Variants in VAT1L observed in about 807,000 individuals in gnomAD.
VAT1L encodes the protein vesicle amine transport 1 like.
A neutral mutation model predicts 44.1 loss-of-function variants in VAT1L; 34 were observed. The ratio of observed to expected loss-of-function variants is 0.77; its 90% CI spans 0.59 to 1.03. VAT1L has a LOEUF of 1.03. Among genes scored for constraint, VAT1L ranks in the 50% least tolerant of loss-of-function variants. The pLI is 0.00. For missense variants in VAT1L, 615 were observed against 538.8 expected (o/e 1.14, Z -1.40); for synonymous variants, 253 against 202.2 (o/e 1.25, Z -2.13).
intron 8 of VAT1L, among the ~76,000 whole-genome samples, chr16:77,972,626 C>T (rs1038581539): frequency 2.0e-5 from 3 of 151,850 alleles, no homozygotes; most frequent in Non-Finnish European, 4.4e-5. Context: ...ACTAAAAATA[C>T]AAAAATTAGC....
At chr16:77,825,737 C>T (rs2145246727) in intron 3 of VAT1L, among the ~76,000 whole-genome samples, 1 of 151,994 alleles carries the variant, frequency 6.6e-6, no homozygotes, top group South Asian at 2.1e-4. Context: ...CATTCTCAGG[C>T]CGGGCGCCGT....
intron 7 of VAT1L, among the ~76,000 whole-genome samples, chr16:77,928,584 T>TTG (rs983976011): frequency 4.6e-5 from 7 of 152,132 alleles, no homozygotes; most frequent in Admixed American, 3.3e-4. Flanking sequence ...AATAAGGCAT[T>TTG]TGTAGCCCTC....
intron 7 of VAT1L, among the ~76,000 whole-genome samples, chr16:77,924,456 C>T (rs976226023): frequency 6.6e-6 from 1 of 151,952 alleles, no homozygotes; most frequent in Non-Finnish European, 1.5e-5. Flanking sequence ...TATTTTCCTT[C>T]CTCCCCACTG....
At chr16:77,824,727 G>T (rs1364711140) in intron 2 of VAT1L, among the ~76,000 whole-genome samples, 1 of 145,248 alleles carries the variant, frequency 6.9e-6, no homozygotes, top group Non-Finnish European at 1.5e-5. Context: ...CTGCCCTCCA[G>T]CCTGGGTGAC....
intron 7 of VAT1L, among the ~76,000 whole-genome samples, chr16:77,956,802 C>T (rs1344188371): frequency 6.6e-6 from 1 of 152,180 alleles, no homozygotes; most frequent in Non-Finnish European, 1.5e-5. Flanking sequence ...TTTATTTCCA[C>T]TCTATACTTT....
intron 7 of VAT1L, among the ~76,000 whole-genome samples, chr16:77,969,982 C>G (rs927174383): frequency 8.0e-5 from 11 of 136,760 alleles, no homozygotes; most frequent in African/African-American, 2.7e-4. Context: ...GGGAGGCCAA[C>G]GGGGGAGGAT....
rs1042136205 is a variant in VAT1L, at chr16:77,892,627, C to A, written c.1077+7825C>A. ...TGTGTCAAGGTGGTGACTTCACACT[C>A]CATAATGGCACTGGTGGCAACTCCA... On this transcript the variant is annotated intron_variant, in intron 7 of 8. Transcript: ENST00000302536. 4.3e-6 allele frequency: 3 copies of A among 693,006 alleles called. No individual in the cohort carries two copies. The Admixed American group carries it at 5.3e-5, about 12-fold the overall frequency. The allele number at this position is 693,006 out of a possible 1,614,324, so 42.9% of individuals were successfully genotyped here.
intron 7 of VAT1L, among the ~76,000 whole-genome samples, chr16:77,928,213 C>T (rs990817506): frequency 6.6e-6 from 1 of 152,154 alleles, no homozygotes; most frequent in African/African-American, 2.4e-5. Context: ...TCATTTGTGA[C>T]CTGAGAAGTC....
At position 77,954,375 on chromosome 16, in the gene VAT1L, C is replaced by T. The variant is rs146758249; in HGVS notation, c.1078-17475C>T. Among the ~76,000 whole-genome samples the T allele has an allele frequency of 5.3e-5, 8 of 152,220 alleles. No homozygotes were observed. In the East Asian group the frequency reaches 1.5e-3, roughly 29 times the overall value. On this transcript the variant is annotated intron_variant, in intron 7 of 8. Coordinates refer to ENST00000302536, the MANE Select transcript of VAT1L (RefSeq NM_020927.3). The stretch of plus-strand genomic sequence containing the variant: ...GGCGCGGTGGCTCACGCCTGTAATC[C>T]CAGCACTTTAGGAAGCCCAGACAGG...
At chr16:77,942,540 G>C (rs1193349498) in intron 7 of VAT1L, among the ~76,000 whole-genome samples, 1 of 152,090 alleles carries the variant, frequency 6.6e-6, no homozygotes, top group Non-Finnish European at 1.5e-5. Flanking sequence ...TCTGTTTTTA[G>C]CTCTTTGAGA....
At chr16:77,932,460 C>A (rs772952648) in intron 7 of VAT1L, among the ~76,000 whole-genome samples, 35 of 152,124 alleles carry the variant, frequency 2.3e-4, no homozygotes, top group Non-Finnish European at 3.8e-4. Context: ...AGGTTTCTTT[C>A]CTGCAGGACT....
At chr16:77,891,771 G>C (rs373378048) in intron 7 of VAT1L, among the ~76,000 whole-genome samples, 1 of 152,112 alleles carries the variant, frequency 6.6e-6, no homozygotes, top group Non-Finnish European at 1.5e-5. Context: ...GGACAAGAGG[G>C]TAACTTGATA....
intron 7 of VAT1L, among the ~76,000 whole-genome samples, chr16:77,907,025 C>T (rs978884520): frequency 1.3e-5 from 2 of 152,104 alleles, no homozygotes; most frequent in African/African-American, 4.8e-5. Context: ...GCAGAGAAAA[C>T]TCCCAATTAG....
At chr16:77,822,205 G>C (rs2016463457) in intron 2 of VAT1L, among the ~76,000 whole-genome samples, 1 of 152,092 alleles carries the variant, frequency 6.6e-6, no homozygotes, top group South Asian at 2.1e-4. Context: ...TGCGATCCTG[G>C]CTCACTGCAA....
rs1014071516 is a variant in VAT1L at position 77,884,347 on chromosome 16, C to A, written c.883-261C>A. Among the ~76,000 whole-genome samples the A allele has an allele frequency of 2.0e-5, 3 of 151,946 alleles. No individual in the cohort carries two copies. Among genetic ancestry groups the A allele is most frequent in the African/African-American group, 7.3e-5 (3 of 41,356 alleles). On this transcript the variant is annotated intron_variant, in intron 6 of 8. Coordinates refer to ENST00000302536, the MANE Select transcript of VAT1L (RefSeq NM_020927.3). The surrounding 1 kb of genome is among the most constrained non-coding windows in gnomAD (Gnocchi z 4.5). ...GCTGGGGCAGAGAATTACTTGAACC[C>A]GGGAGGCAGACGTTGCAGTAAGCTG...
intron 7 of VAT1L, chr16:77,892,798 T>C (rs2017281795): frequency 3.8e-6 from 3 of 795,464 alleles, no homozygotes; most frequent in African/African-American, 3.4e-5. Flanking sequence ...ATGGCAAGCA[T>C]GTGGTCTTTG....
chr16:77,967,224 G>C (rs1055860950), intron 7 of VAT1L, among the ~76,000 whole-genome samples: 5 of 152,162 alleles, frequency 3.3e-5, no homozygotes, highest in African/African-American at 1.2e-4. Context: ...CCACCTTTCA[G>C]ATGGGCACCA....
At chr16:77,869,390 T>A (rs1261576508) in intron 4 of VAT1L, among the ~76,000 whole-genome samples, 4 of 152,190 alleles carry the variant, frequency 2.6e-5, no homozygotes, top group African/African-American at 9.6e-5. Flanking sequence ...AGCCACTCCC[T>A]TAGGCTGGAT....
chr16:77,891,120 C>A (rs557586630), intron 7 of VAT1L, among the ~76,000 whole-genome samples: 1 of 151,778 alleles, frequency 6.6e-6, no homozygotes, highest in African/African-American at 2.4e-5. Flanking sequence ...TTTGGGAGGC[C>A]GAGGCGGGCG....
Sources: gnomAD v4.1 joint callset for allele counts (sites outside exome capture counted in the v4.1 genomes callset) on GRCh38, gnomAD v4.1.1 for gene constraint, Gnocchi (gnomAD v3.1) non-coding constraint, MANE v1.5 for transcripts, NCBI Gene and HGNC (gene_info 2026-07-23, HGNC 2026-07-21) for gene names.